The following NRXN3 variants were observed in gnomAD, a reference collection of about 807,000 sequenced individuals.
NRXN3 encodes neurexin III.
In NRXN3, 32 loss-of-function variants were observed where a neutral mutation model predicts 137.6. The ratio of observed to expected loss-of-function variants is 0.23; its 90% CI spans 0.18 to 0.31. NRXN3 has a LOEUF of 0.31. Ranked by LOEUF, NRXN3 falls within the 10% of genes least tolerant of loss-of-function variation. The pLI is 1.00. For missense variants in NRXN3, 1,574 were observed against 2,062.5 expected (o/e 0.76, Z 4.59); for synonymous variants, 798 against 784.5 (o/e 1.02, Z -0.29).
chr14:79,071,091 T>C (rs2099687077), intron 15 of NRXN3, among the ~76,000 whole-genome samples: 1 of 152,046 alleles, frequency 6.6e-6, no homozygotes, highest in African/African-American at 2.4e-5. Context: ...TAAGAATCTT[T>C]GGACAGTGGA....
intron 4 of NRXN3, among the ~76,000 whole-genome samples, chr14:78,478,885 C>T (rs909091773): frequency 6.6e-6 from 1 of 152,184 alleles, no homozygotes; most frequent in Non-Finnish European, 1.5e-5. Flanking sequence ...AGGTACTTAA[C>T]TTGATCTAGC....
intron 6 of NRXN3, among the ~76,000 whole-genome samples, chr14:78,669,182 G>A (rs75892089): frequency 0.011 from 1,740 of 152,194 alleles, 27 homozygotes; most frequent in African/African-American, 0.038. Context: ...AGAGAATAGC[G>A]TCAGTAAAGT....
chr14:78,792,783 A>T (rs1297169485), intron 8 of NRXN3, among the ~76,000 whole-genome samples: 1 of 152,210 alleles, frequency 6.6e-6, no homozygotes, highest in East Asian at 1.9e-4. Context: ...TTGAGCATAA[A>T]ATCAAGTGGG....
At chr14:79,045,915 A>G (rs148712864) in intron 15 of NRXN3, among the ~76,000 whole-genome samples, 6 of 152,348 alleles carry the variant, frequency 3.9e-5, no homozygotes, top group African/African-American at 1.4e-4. Context: ...TGCTGATGCA[A>G]AACAGCTAGA....
rs1016774631 is a variant in NRXN3 at position 78,509,716 on chromosome 14, G to A, written c.758-135404G>A. ...TTTGGCATTGCTTCAAAGGGGACAT[G>A]GGTCTCTATTAGTCACAGAAACTCA... On this transcript the variant is annotated intron_variant, in intron 4 of 20. Transcript: ENST00000335750. 1.2e-4 allele frequency among the ~76,000 whole-genome samples: 18 copies of A among 152,058 alleles called. 1 individual carries two copies. Among genetic ancestry groups the A allele is most frequent in the Admixed American group, 1.1e-3 (17 of 15,272 alleles).
At chr14:78,297,629 G>A (rs1169984061) in intron 3 of NRXN3, among the ~76,000 whole-genome samples, 1 of 152,224 alleles carries the variant, frequency 6.6e-6, no homozygotes, top group East Asian at 1.9e-4. Context: ...CAGCAGGAAG[G>A]CTGGGGTGTC....
At chr14:79,854,664 G>A (rs1014332356) in intron 20 of NRXN3, among the ~76,000 whole-genome samples, 1 of 152,164 alleles carries the variant, frequency 6.6e-6, no homozygotes, top group Non-Finnish European at 1.5e-5. Flanking sequence ...TCTTAAAATT[G>A]TTTCCAGCCA....
chr14:79,278,819 G>C (rs988441874), intron 15 of NRXN3, among the ~76,000 whole-genome samples: 7 of 152,134 alleles, frequency 4.6e-5, no homozygotes, highest in Admixed American at 6.5e-5. Flanking sequence ...TTCGCCCTGC[G>C]GGAGGGGCCC....
At chr14:79,480,988 A>G (rs1361255119) in intron 16 of NRXN3, among the ~76,000 whole-genome samples, 1 of 152,142 alleles carries the variant, frequency 6.6e-6, no homozygotes, top group African/African-American at 2.4e-5. Flanking sequence ...ATTTCTTTAT[A>G]TCAATGCCAG....
At chr14:78,438,654 T>C (rs2094146847) in intron 4 of NRXN3, among the ~76,000 whole-genome samples, 1 of 152,132 alleles carries the variant, frequency 6.6e-6, no homozygotes, top group Non-Finnish European at 1.5e-5. Context: ...TCTGACCCTA[T>C]TGAGAGCACT....
At chr14:79,171,453 A>G (rs1306194553) in intron 15 of NRXN3, among the ~76,000 whole-genome samples, 1 of 152,138 alleles carries the variant, frequency 6.6e-6, no homozygotes, top group African/African-American at 2.4e-5. Flanking sequence ...TCATTGTATT[A>G]CCTTGCACTT....
chr14:78,836,590 T>G (rs1037798814), intron 10 of NRXN3, among the ~76,000 whole-genome samples: 1 of 152,158 alleles, frequency 6.6e-6, no homozygotes, highest in African/African-American at 2.4e-5. Flanking sequence ...GTATATTTTT[T>G]TAATAACATG....
At chr14:78,387,587 G>A (rs1307038661) in intron 4 of NRXN3, among the ~76,000 whole-genome samples, 4 of 152,134 alleles carry the variant, frequency 2.6e-5, no homozygotes, top group South Asian at 2.1e-4. Context: ...TGGCTGAGAC[G>A]TGGCCTAATT....
intron 19 of NRXN3, among the ~76,000 whole-genome samples, chr14:79,783,333 A>G (rs1171323050): frequency 6.6e-6 from 1 of 152,214 alleles, no homozygotes; most frequent in Non-Finnish European, 1.5e-5. Flanking sequence ...GAAGGTCATT[A>G]CTGTTATTAC....
intron 15 of NRXN3, among the ~76,000 whole-genome samples, chr14:79,258,329 C>T (rs2077075048): frequency 6.6e-6 from 1 of 152,128 alleles, no homozygotes; most frequent in Non-Finnish European, 1.5e-5. Flanking sequence ...CTCAGCCTCC[C>T]AAGCACCTGG....
At chr14:78,748,430 T>C (rs901783184) in intron 8 of NRXN3, among the ~76,000 whole-genome samples, 1 of 151,960 alleles carries the variant, frequency 6.6e-6, no homozygotes, top group Non-Finnish European at 1.5e-5. Flanking sequence ...GCGGATGCGG[T>C]AGGAAATGTG....
At chr14:78,244,454 G>T (rs1351291317) in intron 2 of NRXN3, among the ~76,000 whole-genome samples, 2 of 150,616 alleles carry the variant, frequency 1.3e-5, no homozygotes, top group East Asian at 1.9e-4. Context: ...AAAAAGAAAA[G>T]AAATTGGCAA....
At chr14:78,472,438 A>T (rs1451026521) in intron 4 of NRXN3, among the ~76,000 whole-genome samples, 1 of 152,152 alleles carries the variant, frequency 6.6e-6, no homozygotes, top group Non-Finnish European at 1.5e-5. Flanking sequence ...TCTCTACCAA[A>T]CACCATTTTG....
intron 20 of NRXN3, among the ~76,000 whole-genome samples, chr14:79,835,021 C>T (rs572597344): frequency 6.6e-6 from 1 of 152,064 alleles, no homozygotes; most frequent in Non-Finnish European, 1.5e-5. Flanking sequence ...TTTGCAGTCT[C>T]CAAAAAGAAG....
Sources: allele counts gnomAD v4.1 joint callset (sites outside exome capture counted in the v4.1 genomes callset), GRCh38; gene constraint gnomAD v4.1.1; transcripts MANE v1.5; gene names NCBI Gene and HGNC (gene_info 2026-07-23, HGNC 2026-07-21).